RBFOX1: variants seen among roughly 807,000 people sequenced by gnomAD.
The protein encoded by RBFOX1 is RNA binding fox-1 homolog 1, also known as RNA binding protein fox-1 homolog 1.
RBFOX1 carries 8 observed loss-of-function variants against 57.7 expected under a neutral mutation model. That is an observed-to-expected ratio of 0.14 (90% confidence interval 0.08 to 0.25). RBFOX1 has a LOEUF of 0.25. RBFOX1 is among the 10% of genes least tolerant of loss of function. The pLI is 1.00. For missense variants in RBFOX1, 611 were observed against 548.5 expected (o/e 1.11, Z -1.14); for synonymous variants, 326 against 222.4 (o/e 1.47, Z -4.15).
chr16:6,508,522 C>G (rs1046093610), intron 2 of RBFOX1, among the ~76,000 whole-genome samples: 1 of 152,106 alleles, frequency 6.6e-6, no homozygotes, highest in East Asian at 1.9e-4. Context: ...CCAAAGGTGT[C>G]CTACTGTGCT....
At chr16:5,602,532 G>A (rs1264710198), downstream of RBFOX1, among the ~76,000 whole-genome samples, 4 of 152,202 alleles carry the variant, frequency 2.6e-5, no homozygotes, top group African/African-American at 9.6e-5. Flanking sequence ...ATGACATACT[G>A]TTGAGTGAGA....
chr16:5,707,296 G>C (rs1235406019), intron 3 of RBFOX1, among the ~76,000 whole-genome samples: 2 of 152,208 alleles, frequency 1.3e-5, no homozygotes, highest in African/African-American at 2.4e-5. Context: ...TTGGGAGAAA[G>C]AAAATTGCTT....
chr16:5,467,738 G>A (rs2068997669), intron 2 of RBFOX1, among the ~76,000 whole-genome samples: 1 of 152,136 alleles, frequency 6.6e-6, no homozygotes, highest in Non-Finnish European at 1.5e-5. Flanking sequence ...TATTATTGTT[G>A]CTTGATAAGG....
At chr16:6,735,240 G>A (rs1053306052) in intron 3 of RBFOX1, among the ~76,000 whole-genome samples, 12 of 152,140 alleles carry the variant, frequency 7.9e-5, no homozygotes, top group African/African-American at 2.9e-4. Context: ...TTAATAGAAA[G>A]GGTATGGTTT....
chr16:7,550,012 C>G (rs1188728465), intron 5 of RBFOX1, among the ~76,000 whole-genome samples: 1 of 152,118 alleles, frequency 6.6e-6, no homozygotes, highest in Non-Finnish European at 1.5e-5. Context: ...TCACTGCAGC[C>G]TTGTCCTCCT....
chr16:6,271,166 G>A (rs2075164296), intron 1 of RBFOX1, among the ~76,000 whole-genome samples: 1 of 152,208 alleles, frequency 6.6e-6, no homozygotes, highest in South Asian at 2.1e-4. Flanking sequence ...GCTCACACTT[G>A]CAATCCCAGC....
At chr16:5,644,542 A>C (rs979867638) in intron 3 of RBFOX1, among the ~76,000 whole-genome samples, 24 of 152,342 alleles carry the variant, frequency 1.6e-4, no homozygotes, top group African/African-American at 5.0e-4. Flanking sequence ...ATGAGGAGTT[A>C]GTCTGAGATA....
intron 4 of RBFOX1, among the ~76,000 whole-genome samples, chr16:7,327,212 G>T (rs1409696322): frequency 6.6e-6 from 1 of 152,224 alleles, no homozygotes; most frequent in East Asian, 1.9e-4. Context: ...GAAAGGAAGA[G>T]AGGAAGGAAG....
chr16:5,719,963 G>A (rs931652310), intron 3 of RBFOX1, among the ~76,000 whole-genome samples: 8 of 151,620 alleles, frequency 5.3e-5, no homozygotes, highest in South Asian at 2.1e-4. Context: ...TCCCCGCCCC[G>A]CCCCCATGAT....
chr16:5,391,250 T>C (rs936400014), intron 1 of RBFOX1, among the ~76,000 whole-genome samples: 2 of 152,222 alleles, frequency 1.3e-5, no homozygotes, highest in Admixed American at 1.3e-4. Context: ...TATTCTCTTA[T>C]AGTACTGGAG....
At chr16:5,594,326 A>G (rs1326981927) in intron 2 of RBFOX1, among the ~76,000 whole-genome samples, 4 of 152,176 alleles carry the variant, frequency 2.6e-5, no homozygotes. Flanking sequence ...GATTACATGA[A>G]TATGTCTGTG....
chr16:6,176,516 G>A (rs1335737488), intron 1 of RBFOX1, among the ~76,000 whole-genome samples: 1 of 151,876 alleles, frequency 6.6e-6, no homozygotes, highest in South Asian at 2.1e-4. Context: ...ATTGTAAGAG[G>A]AGGCAATCAG....
intron 4 of RBFOX1, among the ~76,000 whole-genome samples, chr16:5,951,415 T>G (rs964921502): frequency 1.3e-4 from 20 of 152,136 alleles, no homozygotes; most frequent in Admixed American, 3.9e-4. Context: ...ACCACTGCAT[T>G]CCAGCCTGGG....
intron 4 of RBFOX1, among the ~76,000 whole-genome samples, chr16:7,249,675 T>C (rs2094438637): frequency 6.6e-6 from 1 of 152,084 alleles, no homozygotes; most frequent in South Asian, 2.1e-4. Flanking sequence ...CAGATTTATT[T>C]TTATGTATTT....
At chr16:5,805,625 A>G (rs1218823635) in intron 3 of RBFOX1, among the ~76,000 whole-genome samples, 2 of 152,232 alleles carry the variant, frequency 1.3e-5, no homozygotes, top group Non-Finnish European at 1.5e-5. Flanking sequence ...CCCTGGGGCT[A>G]GCAACTGTGG....
intron 3 of RBFOX1, among the ~76,000 whole-genome samples, chr16:5,735,301 C>T (rs1249442158): frequency 2.6e-5 from 4 of 152,216 alleles, no homozygotes; most frequent in African/African-American, 9.6e-5. Context: ...TACTCAAACC[C>T]AGACAGTGTT....
chr16:6,177,296 T>G (rs1175379414), intron 1 of RBFOX1, among the ~76,000 whole-genome samples: 3 of 152,100 alleles, frequency 2.0e-5, no homozygotes, highest in Non-Finnish European at 4.4e-5. Context: ...TGCCCTGTCT[T>G]GTTTCTTTCT....
intron 3 of RBFOX1, among the ~76,000 whole-genome samples, chr16:6,863,637 T>C (rs905370825): frequency 8.5e-6 from 1 of 117,386 alleles, no homozygotes; most frequent in Non-Finnish European, 1.7e-5. Flanking sequence ...GAGAATGGCA[T>C]CAAAATACCA....
chr16:6,814,659 G>A (rs536233557), intron 3 of RBFOX1, among the ~76,000 whole-genome samples: 1 of 152,154 alleles, frequency 6.6e-6, no homozygotes, highest in African/African-American at 2.4e-5. Context: ...AGGCTAAGGG[G>A]GAAGGGCTCC....
Sources: allele counts gnomAD v4.1 joint callset (sites outside exome capture counted in the v4.1 genomes callset), GRCh38; gene constraint gnomAD v4.1.1; transcripts MANE v1.5; gene names NCBI Gene and HGNC (gene_info 2026-07-23, HGNC 2026-07-21).